Variants in DLG2 observed in about 807,000 individuals in gnomAD.
DLG2 encodes disks large homolog 2.
In DLG2, 45 loss-of-function variants were observed where a neutral mutation model predicts 132.5. The ratio of observed to expected loss-of-function variants is 0.34; its 90% CI spans 0.27 to 0.44. The LOEUF (loss-of-function observed/expected upper bound fraction) is 0.44, where lower values mean the gene tolerates loss of function less well. DLG2 is among the 20% of genes least tolerant of loss of function. The pLI, the probability that DLG2 is intolerant of heterozygous loss-of-function variation, is 1.00. For missense variants in DLG2, 1,045 were observed against 1,196.9 expected, an observed-to-expected ratio of 0.87 and a Z score of 1.87; for synonymous variants, 424 against 419.6, an observed-to-expected ratio of 1.01 and a Z score of -0.13.
intron 15 of DLG2, among the ~76,000 whole-genome samples, chr11:83,914,418 T>C (rs1232097920): frequency 1.3e-5 from 2 of 152,156 alleles, no homozygotes; most frequent in South Asian, 2.1e-4. Context: ...TGTTCCTTTA[T>C]AGCAACGCAA....
intron 18 of DLG2, among the ~76,000 whole-genome samples, chr11:83,707,593 C>T (rs979952063): frequency 6.6e-6 from 1 of 152,194 alleles, no homozygotes; most frequent in Non-Finnish European, 1.5e-5. Context: ...ATCGTTTGAA[C>T]CTGGGAGGCA....
In DLG2 at chr11:83,487,890, G is replaced by A. The variant is rs542113528; in HGVS notation, c.2194-3662C>T. ...AACTGGCAAATCTGTGGAAACAAAG[G>A]TAAATTGTGGTTGCTTAGAGCTGGG... On this transcript the variant is annotated intron_variant, in intron 21 of 27. Coordinates refer to ENST00000376104, the MANE Select transcript of DLG2 (RefSeq NM_001142699.3). Among the ~76,000 whole-genome samples the A allele has an allele frequency of 3.6e-4, 54 of 152,088 alleles. 1 individual carries two copies. In the South Asian group the frequency reaches 0.011, roughly 32 times the overall value.
At chr11:85,180,949 C>A (rs1042782283) in intron 4 of DLG2, among the ~76,000 whole-genome samples, 5 of 151,688 alleles carry the variant, frequency 3.3e-5, no homozygotes, top group Non-Finnish European at 7.4e-5. Flanking sequence ...GACAGGATTC[C>A]AAAATCCATT....
chr11:84,338,588 G>A (rs1600172850), intron 7 of DLG2, among the ~76,000 whole-genome samples: 1 of 152,228 alleles, frequency 6.6e-6, no homozygotes, highest in East Asian at 1.9e-4. Context: ...ACTTTGGGAG[G>A]CCAAGGCGGG....
intron 17 of DLG2, among the ~76,000 whole-genome samples, chr11:83,817,505 A>G (rs887791823): frequency 3.3e-5 from 5 of 152,170 alleles, no homozygotes; most frequent in Non-Finnish European, 7.4e-5. Context: ...GTTAAGTTAT[A>G]ACCAATGGAC....
intron 21 of DLG2, among the ~76,000 whole-genome samples, chr11:83,486,940 CAT>C (rs963554259): frequency 1.3e-5 from 2 of 151,938 alleles, no homozygotes; most frequent in African/African-American, 2.4e-5. Flanking sequence ...TTTTATTAGA[CAT>C]GTGTAATACC....
At chr11:85,023,749 GGATA>G (rs2060282227) in intron 6 of DLG2, among the ~76,000 whole-genome samples, 1 of 151,860 alleles carries the variant, frequency 6.6e-6, no homozygotes, top group African/African-American at 2.4e-5. Context: ...AGATATCATA[GGATA>G]GAGATATATT....
chr11:85,355,943 T>C (rs1596480321), intron 3 of DLG2, among the ~76,000 whole-genome samples: 1 of 152,186 alleles, frequency 6.6e-6, no homozygotes, highest in Non-Finnish European at 1.5e-5. Context: ...CTATCTGCCT[T>C]TGAGAAGCTG....
At chr11:84,060,300 A>G (rs7952161) in intron 10 of DLG2, among the ~76,000 whole-genome samples, 120,817 of 152,050 alleles carry the variant, frequency 0.79, 49,242 homozygotes, top group Middle Eastern at 0.92. Flanking sequence ...AGACAGAGCG[A>G]GACTCCATCT....
At chr11:85,449,179 T>G (rs2092134556) in intron 3 of DLG2, among the ~76,000 whole-genome samples, 1 of 152,160 alleles carries the variant, frequency 6.6e-6, no homozygotes, top group South Asian at 2.1e-4. Flanking sequence ...TGGTTAGAAT[T>G]TTTATGCTTC....
rs1599163280 is a variant in DLG2, at chr11:84,289,987, C to A, written c.520-38696G>T. On this transcript the variant is annotated intron_variant, in intron 7 of 27. Transcript: ENST00000376104. The stretch of plus-strand genomic sequence containing the variant: ...TGCAGATTTCATTAACAAAGACCAA[C>A]AAGATCACTCCCAATAACTAAGTTT... Among the ~76,000 whole-genome samples the A allele has an allele frequency of 2.0e-5, 3 of 152,190 alleles. No homozygotes were observed. The East Asian group carries it at 5.8e-4, about 29-fold the overall frequency.
chr11:84,314,893 A>T (rs1258741115), intron 7 of DLG2, among the ~76,000 whole-genome samples: 2 of 152,122 alleles, frequency 1.3e-5, no homozygotes, highest in African/African-American at 2.4e-5. Context: ...TAATCAATTT[A>T]GCATAGCACT....
In DLG2 at chr11:85,230,092, A is replaced by G. The variant is rs574999039; in HGVS notation, c.186+55128T>C. 4.6e-5 allele frequency among the ~76,000 whole-genome samples: 7 copies of G among 152,190 alleles called. No homozygotes were observed. The East Asian group carries it at 1.4e-3, about 29-fold the overall frequency. The stretch of plus-strand genomic sequence containing the variant: ...GTGTACACCTATGTAACAAAATTGC[A>G]CATTCTGCACATGTATCCCAGAACT... On this transcript the variant is annotated intron_variant, in intron 4 of 27. Transcript: ENST00000376104.
chr11:85,132,306 T>A (rs994304695), intron 5 of DLG2, among the ~76,000 whole-genome samples: 1 of 152,180 alleles, frequency 6.6e-6, no homozygotes, highest in Non-Finnish European at 1.5e-5. Context: ...ATCAGAATTC[T>A]CCAATCAGAA....
At position 84,562,330 on chromosome 11, in the gene DLG2, A is replaced by T. The variant is rs553205922; in HGVS notation, c.358-27599T>A. Among the ~76,000 whole-genome samples the T allele has an allele frequency of 5.9e-5, 9 of 152,236 alleles. No homozygotes were observed. The East Asian group carries it at 9.7e-4, about 16-fold the overall frequency. ...CTTCTAAGATAATATAAAATGTAAAATTTTTTTAAAAAGAAAAAAAATTGG... is the reference window on the plus strand; with the variant it reads ...CTTCTAAGATAATATAAAATGTAAATTTTTTTTAAAAAGAAAAAAAATTGG... On this transcript the variant is annotated intron_variant, in intron 6 of 27. Transcript: ENST00000376104.
intron 3 of DLG2, among the ~76,000 whole-genome samples, chr11:85,419,468 C>A (rs1413389721): frequency 6.6e-6 from 1 of 152,148 alleles, no homozygotes; most frequent in Non-Finnish European, 1.5e-5. Flanking sequence ...TGAATGTTGG[C>A]CTACCTTTCT....
intron 22 of DLG2, among the ~76,000 whole-genome samples, chr11:83,475,837 G>A (rs1166706213): frequency 1.3e-5 from 2 of 151,772 alleles, no homozygotes; most frequent in Non-Finnish European, 2.9e-5. Context: ...GGAGGGGTTG[G>A]CACTTCAAAA....
intron 4 of DLG2, among the ~76,000 whole-genome samples, chr11:85,206,852 T>C (rs1266741098): frequency 6.6e-6 from 1 of 151,944 alleles, no homozygotes; most frequent in African/African-American, 2.4e-5. Flanking sequence ...AAAAAGCGCA[T>C]ATCTTTTTTT....
chr11:85,059,867 T>C (rs920669768), intron 6 of DLG2, among the ~76,000 whole-genome samples: 4 of 151,718 alleles, frequency 2.6e-5, no homozygotes, highest in East Asian at 1.9e-4. Context: ...CTTTTCTGCA[T>C]TGATATTTTA....
Sources: gnomAD v4.1 joint callset for allele counts (sites outside exome capture counted in the v4.1 genomes callset) on GRCh38, gnomAD v4.1.1 for gene constraint, MANE v1.5 for transcripts, NCBI Gene and HGNC (gene_info 2026-07-23, HGNC 2026-07-21) for gene names.